L3MBTL4: variants seen among roughly 807,000 people sequenced by gnomAD.
L3MBTL4 encodes L3MBTL histone methyl-lysine binding protein 4, also known as lethal(3)malignant brain tumor-like protein 4.
In L3MBTL4, 70 loss-of-function variants were observed where a neutral mutation model predicts 84.5. The ratio of observed to expected loss-of-function variants is 0.83; its 90% CI spans 0.68 to 1.01. The LOEUF (loss-of-function observed/expected upper bound fraction) is 1.01. Among genes scored for constraint, L3MBTL4 ranks in the 50% least tolerant of loss-of-function variants. L3MBTL4 has a pLI of 0.00. For missense variants in L3MBTL4, 715 were observed against 754.8 expected, an observed-to-expected ratio of 0.95 and a Z score of 0.62; for synonymous variants, 274 against 259.8, an observed-to-expected ratio of 1.05 and a Z score of -0.52.
At chr18:6,007,188 C>A (rs1017661087) in intron 16 of L3MBTL4, among the ~76,000 whole-genome samples, 77 of 151,646 alleles carry the variant, frequency 5.1e-4, no homozygotes, top group African/African-American at 1.8e-3. Flanking sequence ...TTAAAAAAAA[C>A]CATTTGCGAC....
intron 12 of L3MBTL4, among the ~76,000 whole-genome samples, chr18:6,200,769 T>C (rs140381940): frequency 6.6e-6 from 1 of 152,350 alleles, no homozygotes; most frequent in East Asian, 1.9e-4. Flanking sequence ...GCATATTGCT[T>C]CTTAAAGGTA....
intron 4 of L3MBTL4, among the ~76,000 whole-genome samples, chr18:6,295,346 C>CTCTA (rs1261475809): frequency 0.022 from 1,761 of 81,172 alleles, 28 homozygotes; most frequent in Middle Eastern, 0.03. Flanking sequence ...CTCTCTCTCT[C>CTCTA]TATATATATA....
At chr18:6,343,435 G>C (rs139281412) in intron 1 of L3MBTL4, among the ~76,000 whole-genome samples, 1 of 151,970 alleles carries the variant, frequency 6.6e-6, no homozygotes, top group Non-Finnish European at 1.5e-5. Context: ...AGGCCGAGGC[G>C]GGCAGATCAC....
intron 4 of L3MBTL4, among the ~76,000 whole-genome samples, chr18:6,297,514 C>T (rs1349114054): frequency 6.6e-6 from 1 of 152,170 alleles, no homozygotes; most frequent in Non-Finnish European, 1.5e-5. Context: ...ATATTTGCCA[C>T]TTTTCTGTAA....
At chr18:6,083,670 C>T (rs761430190) in intron 15 of L3MBTL4, among the ~76,000 whole-genome samples, 1 of 152,188 alleles carries the variant, frequency 6.6e-6, no homozygotes, top group Non-Finnish European at 1.5e-5. Context: ...CTCCTGAAGC[C>T]TGGCCCATAG....
At chr18:6,181,225 A>AG (rs1467439111) in intron 12 of L3MBTL4, among the ~76,000 whole-genome samples, 1 of 152,010 alleles carries the variant, frequency 6.6e-6, no homozygotes, top group Admixed American at 6.6e-5. Flanking sequence ...GTACAAATAC[A>AG]GGTTTTTTAT....
chr18:6,131,133 A>C (rs771318221), intron 14 of L3MBTL4, among the ~76,000 whole-genome samples: 5 of 152,192 alleles, frequency 3.3e-5, no homozygotes, highest in Non-Finnish European at 7.3e-5. Context: ...TATATTAAGA[A>C]TACTGTTTAC....
chr18:6,039,245 C>T (rs2056294041), intron 16 of L3MBTL4, among the ~76,000 whole-genome samples: 1 of 151,980 alleles, frequency 6.6e-6, no homozygotes, highest in African/African-American at 2.4e-5. Context: ...GGTATTCTGT[C>T]TTGGCAGCCT....
rs1298451914 is a variant in L3MBTL4 at position 6,141,723 on chromosome 18, G to T, written c.1097-3427C>A. On this transcript the variant is annotated intron_variant, in intron 13 of 18. Transcript: ENST00000317931. ...ACTACTATGACTGGCCTAATCCAAA[G>T]CCATCTTCCTTCTTGAAGAATTGCG... 2.6e-5 allele frequency among the ~76,000 whole-genome samples: 4 copies of T among 152,078 alleles called. No homozygotes were observed. The East Asian group carries it at 7.7e-4, about 29-fold the overall frequency.
rs139803585 is a variant in L3MBTL4 at position 5,969,742 on chromosome 18, G to T, written c.1445-180C>A. On this transcript the variant is annotated intron_variant, in intron 16 of 18. Transcript: ENST00000317931. Reference sequence around the variant, plus strand: ...TACCCTATGCCACCAGTCTGTTTTTGAGCAGTGGTCATAGACAGATGTTAC... The same window carrying T: ...TACCCTATGCCACCAGTCTGTTTTTTAGCAGTGGTCATAGACAGATGTTAC... Among the ~76,000 whole-genome samples the T allele has an allele frequency of 1.8e-4, 28 of 152,312 alleles. 1 individual carries two copies. The East Asian group carries it at 5.2e-3, about 28-fold the overall frequency.
At chr18:6,321,642 C>T (rs2051407768) in intron 1 of L3MBTL4, among the ~76,000 whole-genome samples, 1 of 152,082 alleles carries the variant, frequency 6.6e-6, no homozygotes, top group Non-Finnish European at 1.5e-5. Context: ...AGATATGGAA[C>T]CAACCTAAGT....
intron 1 of L3MBTL4, among the ~76,000 whole-genome samples, chr18:6,383,078 G>A (rs2054664566): frequency 6.6e-6 from 1 of 152,100 alleles, no homozygotes; most frequent in African/African-American, 2.4e-5. Flanking sequence ...GCTCTGCCCA[G>A]TTCGAACATC....
chr18:6,300,700 A>G (rs1195829524), intron 4 of L3MBTL4, among the ~76,000 whole-genome samples: 1 of 152,196 alleles, frequency 6.6e-6, no homozygotes, highest in African/African-American at 2.4e-5. Flanking sequence ...GAATAAGACA[A>G]CCTAAAACAA....
chr18:6,177,450 G>C (rs2044273751), intron 12 of L3MBTL4, among the ~76,000 whole-genome samples: 1 of 152,168 alleles, frequency 6.6e-6, no homozygotes, highest in South Asian at 2.1e-4. Flanking sequence ...GAGAAGGATG[G>C]GAGCAGGACT....
intron 14 of L3MBTL4, among the ~76,000 whole-genome samples, chr18:6,134,340 C>T (rs1228718240): frequency 6.6e-6 from 1 of 152,130 alleles, no homozygotes; most frequent in African/African-American, 2.4e-5. Context: ...TCCACCCCGG[C>T]CCCTCCAAAT....
chr18:6,164,946 G>A (rs138742185), intron 13 of L3MBTL4, among the ~76,000 whole-genome samples: 25 of 152,138 alleles, frequency 1.6e-4, no homozygotes, highest in Non-Finnish European at 2.8e-4. Flanking sequence ...AAGATTAGAC[G>A]AATGGCTAAC....
intron 1 of L3MBTL4, among the ~76,000 whole-genome samples, chr18:6,328,619 G>C (rs954910287): frequency 6.6e-6 from 1 of 152,236 alleles, no homozygotes; most frequent in African/African-American, 2.4e-5. Flanking sequence ...CTATTTTGTT[G>C]CTAGAACATG....
intron 5 of L3MBTL4, among the ~76,000 whole-genome samples, chr18:6,258,032 G>A (rs1025366165): frequency 2.2e-4 from 34 of 152,180 alleles, no homozygotes; most frequent in African/African-American, 8.0e-4. Context: ...TAGAAAGGCA[G>A]GAATGGAAAG....
At chr18:6,343,988 G>C (rs1406869541) in intron 1 of L3MBTL4, among the ~76,000 whole-genome samples, 1 of 135,430 alleles carries the variant, frequency 7.4e-6, no homozygotes, top group East Asian at 2.0e-4. Flanking sequence ...ATACTTCAAG[G>C]AGCTAGAGGA....
Sources: gnomAD v4.1 joint callset for allele counts (sites outside exome capture counted in the v4.1 genomes callset) on GRCh38, gnomAD v4.1.1 for gene constraint, MANE v1.5 for transcripts, NCBI Gene and HGNC (gene_info 2026-07-23, HGNC 2026-07-21) for gene names.